Variants in KANSL1L observed in about 807,000 individuals in gnomAD.
KANSL1L encodes the protein KAT8 regulatory NSL complex subunit 1 like, also known as KAT8 regulatory NSL complex subunit 1-like protein.
In KANSL1L, 25 loss-of-function variants were observed where a neutral mutation model predicts 108.6. The observed-to-expected ratio is 0.23, with a 90% CI of 0.17 to 0.32. The LOEUF (loss-of-function observed/expected upper bound fraction) is 0.32. Among genes scored for constraint, KANSL1L ranks in the 10% least tolerant of loss-of-function variants. KANSL1L has a pLI of 1.00. For synonymous variants in KANSL1L, 405 were observed against 395.1 expected, an observed-to-expected ratio of 1.03 and a Z score of -0.30; for missense variants, 1,137 against 1,125.7, an observed-to-expected ratio of 1.01 and a Z score of -0.14.
chr2:210,025,181 C>A lies in KANSL1L; in HGVS notation c.2487G>T (p.Arg829Ser), dbSNP rs760695409. The A allele has an allele frequency of 6.2e-7, 1 of 1,610,786 alleles. No homozygotes were observed. Among genetic ancestry groups the A allele is most frequent in the South Asian group, 1.1e-5 (1 of 91,004 alleles). ...GCTCTCTCTCTTCATATTTTTTGTG[C>A]CTTAGGGAGAAGACTTCATCAGAAA... ...EDLSDEVFSL[R>S]HKKYEEREQA... The change falls in exon 13 of 15, where the codon AGG (arginine) becomes AGT (serine). Residue 829 changes from arginine (R) to serine (S), a missense_variant. Around this residue, in one of 3 missense-constraint regions of KANSL1L, gnomAD observed 575 missense variants for 567.1 expected, o/e 1.01. Transcript: ENST00000281772.
chr2:210,129,974 T>C (rs1447942468), intron 2 of KANSL1L, among the ~76,000 whole-genome samples: 7 of 131,888 alleles, frequency 5.3e-5, no homozygotes, highest in Non-Finnish European at 9.5e-5. Flanking sequence ...GATATTTAAT[T>C]AGGAGATGCA....
At chr2:210,162,222 G>GTATATATATATA (rs71043976) in intron 1 of KANSL1L, among the ~76,000 whole-genome samples, 8,137 of 107,254 alleles carry the variant, frequency 0.076, 629 homozygotes, top group East Asian at 0.22. Flanking sequence ...AGTGGTTCAG[G>GTATATATATATA]TATATATATA....
chr2:210,103,074 C>T (rs555411747), intron 4 of KANSL1L, among the ~76,000 whole-genome samples: 3 of 152,258 alleles, frequency 2.0e-5, no homozygotes, highest in Non-Finnish European at 4.4e-5. Context: ...ACCCAAATGT[C>T]CATCAATGAT....
At chr2:210,079,612 G>GTGTA (rs1203591014) in intron 5 of KANSL1L, among the ~76,000 whole-genome samples, 2 of 65,668 alleles carry the variant, frequency 3.0e-5, no homozygotes, top group Admixed American at 1.5e-4. Flanking sequence ...ATATGTATGT[G>GTGTA]TATATATATA....
intron 6 of KANSL1L, among the ~76,000 whole-genome samples, chr2:210,061,281 T>C (rs2094417145): frequency 6.6e-6 from 1 of 152,166 alleles, no homozygotes; most frequent in South Asian, 2.1e-4. Flanking sequence ...TATTAGGAAT[T>C]CTAATCTTGG....
chr2:210,105,875 A>G (rs1406388188), intron 3 of KANSL1L, among the ~76,000 whole-genome samples: 1 of 152,138 alleles, frequency 6.6e-6, no homozygotes, highest in East Asian at 1.9e-4. Context: ...AACATGCTCA[A>G]AAGTTCTTAT....
At chr2:210,116,357 C>T (rs2094953866) in intron 3 of KANSL1L, among the ~76,000 whole-genome samples, 1 of 152,182 alleles carries the variant, frequency 6.6e-6, no homozygotes, top group African/African-American at 2.4e-5. Flanking sequence ...GGACACAAGC[C>T]TGGGTGGATT....
intron 6 of KANSL1L, among the ~76,000 whole-genome samples, chr2:210,069,351 G>A (rs1251190358): frequency 6.6e-6 from 1 of 152,118 alleles, no homozygotes; most frequent in African/African-American, 2.4e-5. Flanking sequence ...CAGCAGCTTT[G>A]TCTTTCATTT....
chr2:210,095,674 T>A (rs2094729519), intron 5 of KANSL1L, among the ~76,000 whole-genome samples: 2 of 152,154 alleles, frequency 1.3e-5, no homozygotes, highest in Non-Finnish European at 2.9e-5. Context: ...TTGTTTTACA[T>A]GGTAGTTTGC....
Position 210,059,368 on chromosome 2 carries a change from T to G in KANSL1L, c.1756-15264A>C, listed in dbSNP as rs553883048. ...GCACAGCTGGCCCTCCAGCTGAATG[T>G]AGCCATATGATGGTAGTCCTATTTT... On this transcript the variant is annotated intron_variant, in intron 6 of 14. Coordinates refer to ENST00000281772, the MANE Select transcript of KANSL1L (RefSeq NM_152519.4). Among the ~76,000 whole-genome samples, 16 of 152,290 alleles carry G rather than the reference T, an allele frequency of 1.1e-4. 1 individual carries two copies. The South Asian group carries it at 2.5e-3, about 24-fold the overall frequency.
chr2:210,060,951 A>AGG (rs1408528711), intron 6 of KANSL1L, among the ~76,000 whole-genome samples: 1 of 152,236 alleles, frequency 6.6e-6, no homozygotes, highest in Non-Finnish European at 1.5e-5. Flanking sequence ...TTAATAGAGA[A>AGG]GAAGTAATCA....
chr2:210,037,887 T>C (rs1559505560), intron 8 of KANSL1L, among the ~76,000 whole-genome samples: 1 of 152,172 alleles, frequency 6.6e-6, no homozygotes, highest in African/African-American at 2.4e-5. Context: ...AAAAATTATA[T>C]GTGTGTCTAT....
intron 3 of KANSL1L, among the ~76,000 whole-genome samples, chr2:210,110,689 A>G (rs886291394): frequency 6.6e-6 from 1 of 152,222 alleles, no homozygotes; most frequent in African/African-American, 2.4e-5. Flanking sequence ...GAACCTCTCA[A>G]TCTATGAGAA....
intron 3 of KANSL1L, among the ~76,000 whole-genome samples, chr2:210,109,944 G>A (rs1044209792): frequency 6.6e-6 from 1 of 152,060 alleles, no homozygotes; most frequent in Non-Finnish European, 1.5e-5. Context: ...GAAGGTTGGC[G>A]TCCTAAGGAC....
At chr2:210,131,214 G>A (rs1032861038) in intron 2 of KANSL1L, among the ~76,000 whole-genome samples, 1 of 152,152 alleles carries the variant, frequency 6.6e-6, no homozygotes, top group Non-Finnish European at 1.5e-5. Flanking sequence ...TGAAACCATT[G>A]AGATTAGGAT....
chr2:210,165,463 T>C (rs1687892091), intron 1 of KANSL1L, among the ~76,000 whole-genome samples: 1 of 152,076 alleles, frequency 6.6e-6, no homozygotes, highest in African/African-American at 2.4e-5. Flanking sequence ...AATTTTTTTG[T>C]TTTTGGTTAT....
intron 12 of KANSL1L, 106 bp downstream of exon 12, chr2:210,027,190 T>TGTAA (rs1418477247): frequency 1.5e-6 from 1 of 678,890 alleles, no homozygotes; most frequent in African/African-American, 1.8e-5. Flanking sequence ...AAAAAATCAG[T>TGTAA]GTAAGTTAAA....
intron 1 of KANSL1L, 43 bp downstream of exon 1, chr2:210,171,106 G>C (rs983819530): frequency 6.5e-6 from 1 of 152,734 alleles, no homozygotes; most frequent in African/African-American, 2.4e-5. Flanking sequence ...CAAGAGGGAA[G>C]ACCCACCCCC....
intron 1 of KANSL1L, among the ~76,000 whole-genome samples, chr2:210,161,287 CTGAT>C (rs1184150885): frequency 6.6e-6 from 1 of 152,022 alleles, no homozygotes; most frequent in African/African-American, 2.4e-5. Context: ...TGCGCCTGGC[CTGAT>C]TATTTTGACA....
Sources: allele counts gnomAD v4.1 joint callset (sites outside exome capture counted in the v4.1 genomes callset), GRCh38; gene constraint gnomAD v4.1.1; regional missense constraint gnomAD v4.1.1; transcripts MANE v1.5; gene names NCBI Gene and HGNC (gene_info 2026-07-23, HGNC 2026-07-21).